The following DOCK4 variants were observed in gnomAD, a reference collection of about 807,000 sequenced individuals.
DOCK4 encodes dedicator of cytokinesis 4, also known as dedicator of cytokinesis protein 4.
A neutral mutation model predicts 268.1 loss-of-function variants in DOCK4; 97 were observed. The ratio of observed to expected loss-of-function variants is 0.36; its 90% CI spans 0.31 to 0.43. DOCK4 has a LOEUF of 0.43. DOCK4 is among the 20% of genes least tolerant of loss of function. DOCK4 has a pLI of 1.00. For missense variants in DOCK4, 2,145 were observed against 2,455.7 expected, an observed-to-expected ratio of 0.87 and a Z score of 2.67; for synonymous variants, 954 against 887.2, an observed-to-expected ratio of 1.08 and a Z score of -1.34.
chr7:111,921,960 G>A (rs895696746), intron 12 of DOCK4, among the ~76,000 whole-genome samples: 1 of 152,174 alleles, frequency 6.6e-6, no homozygotes, highest in Non-Finnish European at 1.5e-5. Context: ...GTTCTATAAA[G>A]GTTTCAAAGG....
chr7:112,045,401 C>T (rs1488115186), intron 1 of DOCK4, among the ~76,000 whole-genome samples: 1 of 152,174 alleles, frequency 6.6e-6, no homozygotes. Flanking sequence ...CTCCCACTCC[C>T]TCCACATCAT....
chr7:111,948,597 C>CT (rs111864257), intron 8 of DOCK4, among the ~76,000 whole-genome samples: 57 of 146,402 alleles, frequency 3.9e-4, no homozygotes, highest in East Asian at 7.9e-4. Context: ...TTTTCTTCTT[C>CT]TTTTTTTTTT....
chr7:111,881,655 G>T (rs1807402911), intron 16 of DOCK4, among the ~76,000 whole-genome samples: 1 of 152,182 alleles, frequency 6.6e-6, no homozygotes, highest in Non-Finnish European at 1.5e-5. Context: ...GTTCACAATA[G>T]CTAAGACTTG....
At position 111,940,017 on chromosome 7, in the gene DOCK4, T is replaced by A. The variant is rs565735079; in HGVS notation, c.977+93A>T. 71 of 1,330,256 alleles carry A rather than the reference T, an allele frequency of 5.3e-5. No homozygotes were observed. In the African/African-American group the frequency reaches 9.0e-4, roughly 17 times the overall value. 82.4% of individuals were successfully genotyped at this position (1,330,256 alleles called of 1,614,324 possible). ...GAATGGCTCATAAACCACCCATTGT[T>A]CTTCTCTACCCACCTAAAGTAGCAT... On this transcript the variant is annotated intron_variant, in intron 11 of 52. Coordinates refer to ENST00000428084, the MANE Select transcript of DOCK4 (RefSeq NM_001363540.2).
intron 1 of DOCK4, among the ~76,000 whole-genome samples, chr7:112,004,623 G>A (rs535386111): frequency 2.4e-4 from 37 of 152,326 alleles, no homozygotes; most frequent in Non-Finnish European, 4.7e-4. Context: ...TTTCTCAAGA[G>A]AAGGGACTGC....
intron 12 of DOCK4, among the ~76,000 whole-genome samples, chr7:111,925,245 A>G (rs1421701672): frequency 6.6e-6 from 1 of 152,202 alleles, no homozygotes; most frequent in Non-Finnish European, 1.5e-5. Flanking sequence ...AATACATTAG[A>G]AGCTATATAT....
Position 111,840,732 on chromosome 7 carries a change from A to G in DOCK4, c.2736+4031T>C, listed in dbSNP as rs773758468. 34 of 1,146,864 alleles carry G rather than the reference A, an allele frequency of 3.0e-5. No individual in the cohort carries two copies. In the African/African-American group the frequency reaches 5.4e-4, roughly 18 times the overall value. 71.0% of individuals were successfully genotyped at this position (1,146,864 alleles called of 1,614,324 possible). ...TTACAGAGCACTGGAAGAATTCACA[A>G]TGGCACATTGTGGGATCTGCGTTTA... On this transcript the variant is annotated intron_variant, in intron 25 of 52. Coordinates refer to ENST00000428084, the MANE Select transcript of DOCK4 (RefSeq NM_001363540.2).
intron 16 of DOCK4, among the ~76,000 whole-genome samples, chr7:111,889,366 G>GGGGGAGCATATGGGGTTCACT (rs990038829): frequency 1.3e-5 from 2 of 152,050 alleles, no homozygotes; most frequent in African/African-American, 4.8e-5. Flanking sequence ...TAGAAGAGTT[G>GGGGGAGCATATGGGGTTCACT]GGGGAGCATA....
intron 1 of DOCK4, among the ~76,000 whole-genome samples, chr7:112,193,658 A>G (rs2729539): frequency 0.95 from 144,860 of 151,738 alleles, 69,206 homozygotes; most frequent in African/African-American, 0.98. Context: ...GTGGGCCTGC[A>G]GAGTCAGATC....
chr7:112,166,933 T>A lies in DOCK4; in HGVS notation c.37+39169A>T, dbSNP rs1460493803. Among the ~76,000 whole-genome samples the A allele has an allele frequency of 2.0e-5, 3 of 152,142 alleles. No individual in the cohort carries two copies. In the East Asian group the frequency reaches 5.8e-4, roughly 29 times the overall value. On this transcript the variant is annotated intron_variant, in intron 1 of 52. Transcript: ENST00000428084. ...CTCCTGCCCCAGCCTTCAGAGTAGC[T>A]GAGAATATGTGCCAGCTTAAATTTT... is the stretch of plus-strand genomic sequence containing the variant.
intron 1 of DOCK4, among the ~76,000 whole-genome samples, chr7:112,089,724 C>T (rs890901734): frequency 6.6e-6 from 1 of 152,032 alleles, no homozygotes; most frequent in African/African-American, 2.4e-5. Flanking sequence ...AGGCATGTAG[C>T]ACCTCCCCCT....
At chr7:112,002,054 A>G (rs1056922629) in intron 2 of DOCK4, among the ~76,000 whole-genome samples, 2 of 152,220 alleles carry the variant, frequency 1.3e-5, no homozygotes, top group Non-Finnish European at 2.9e-5. Context: ...AATTTTTTCA[A>G]TGATTAAATT....
At chr7:111,872,214 AG>A (rs1444786739) in intron 19 of DOCK4, 54 bp downstream of exon 19, 11 of 1,410,200 alleles carry the variant, frequency 7.8e-6, no homozygotes, top group Non-Finnish European at 1.1e-5. Context: ...GCCTCATGAA[AG>A]TCAAGATTGA....
intron 13 of DOCK4, among the ~76,000 whole-genome samples, chr7:111,911,017 C>T (rs1328566171): frequency 1.3e-5 from 2 of 152,142 alleles, no homozygotes; most frequent in Non-Finnish European, 2.9e-5. Flanking sequence ...ATTCTGTGAT[C>T]GAAAAGAGTT....
rs539377342 is a variant in DOCK4 at position 111,730,479 on chromosome 7, C to T, written c.5481+1747G>A. Among the ~76,000 whole-genome samples, 4 of 152,340 alleles carry T rather than the reference C, an allele frequency of 2.6e-5. No homozygotes were observed. The East Asian group carries it at 5.8e-4, about 22-fold the overall frequency. On this transcript the variant is annotated intron_variant, in intron 52 of 52. Transcript: ENST00000428084. ...AAACAAAATAACGCTGGTAGATACA[C>T]ATCCTGTCATTTAGTAGGAGCCTAA...
At chr7:112,185,677 A>G (rs1819442785) in intron 1 of DOCK4, among the ~76,000 whole-genome samples, 1 of 152,166 alleles carries the variant, frequency 6.6e-6, no homozygotes, top group African/African-American at 2.4e-5. Flanking sequence ...ACAACATTTG[A>G]GTGACACAAT....
chr7:111,999,921 A>T (rs1800288902), intron 3 of DOCK4, among the ~76,000 whole-genome samples: 1 of 152,038 alleles, frequency 6.6e-6, no homozygotes, highest in Non-Finnish European at 1.5e-5. Context: ...TAAAAGATAA[A>T]ACAAAAATGA....
chr7:112,065,624 G>A (rs772907311), intron 1 of DOCK4, among the ~76,000 whole-genome samples: 13 of 150,048 alleles, frequency 8.7e-5, no homozygotes, highest in African/African-American at 2.5e-4. Flanking sequence ...GGTTCCAGCC[G>A]TAAGATTCTG....
At chr7:112,029,378 C>G (rs1260593211) in intron 1 of DOCK4, among the ~76,000 whole-genome samples, 1 of 152,186 alleles carries the variant, frequency 6.6e-6, no homozygotes, top group Admixed American at 6.5e-5. Context: ...AGAATTGCTT[C>G]TTTCAGGCAG....
Sources: gnomAD v4.1 joint callset for allele counts (sites outside exome capture counted in the v4.1 genomes callset) on GRCh38, gnomAD v4.1.1 for gene constraint, MANE v1.5 for transcripts, NCBI Gene and HGNC (gene_info 2026-07-23, HGNC 2026-07-21) for gene names.